GOLGA6A: variants seen among roughly 807,000 people sequenced by gnomAD.
GOLGA6A encodes the protein golgin subfamily A member 6A.
GOLGA6A carries 1 observed loss-of-function variant against 53.6 expected under a neutral mutation model. The observed-to-expected ratio is 0.02, with a 90% confidence interval of 0.01 to 0.09. GOLGA6A has a LOEUF of 0.09. Among genes scored for constraint, GOLGA6A ranks in the 10% least tolerant of loss-of-function variants. The pLI is 1.00. For synonymous variants in GOLGA6A, 6 were observed against 201.8 expected (o/e 0.03, Z 8.22); for missense variants, 23 against 509.4 (o/e 0.05, Z 9.19).
At chr15:74,073,285 A>G (rs1345449189) in intron 12 of GOLGA6A, among the ~76,000 whole-genome samples, 3 of 150,976 alleles carry the variant, frequency 2.0e-5, no homozygotes, top group Non-Finnish European at 4.4e-5. Context: ...CTAGAACCCC[A>G]TACCTCCTTC....
intron 7 of GOLGA6A, among the ~76,000 whole-genome samples, chr15:74,076,638 A>G (rs2071980952): frequency 6.7e-6 from 1 of 148,896 alleles, no homozygotes; most frequent in South Asian, 2.2e-4. Flanking sequence ...ACACACACAC[A>G]CACACACACA....
chr15:74,080,425 T>C (rs2071996131), intron 2 of GOLGA6A, among the ~76,000 whole-genome samples, 191 bp downstream of exon 2: 1 of 152,282 alleles, frequency 6.6e-6, no homozygotes, highest in Non-Finnish European at 1.5e-5. Context: ...CAAACAATAC[T>C]ACCCCTATTT....
At chr15:74,076,623 T>TACACACACACAC (rs368556511) in intron 7 of GOLGA6A, among the ~76,000 whole-genome samples, 480 of 140,364 alleles carry the variant, frequency 3.4e-3, no homozygotes, top group African/African-American at 4.2e-3. Context: ...ATTATCATAG[T>TACACACACACAC]ACACACACAC....
At chr15:74,071,890 C>T (rs1188915654) in intron 14 of GOLGA6A, among the ~76,000 whole-genome samples, 11 of 148,814 alleles carry the variant, frequency 7.4e-5, no homozygotes, top group African/African-American at 1.2e-4. Context: ...GCACAGCCTT[C>T]ACACCTTCCG....
At position 74,071,150 on chromosome 15, in the gene GOLGA6A, T is replaced by TC. The variant is rs2071934743; in HGVS notation, c.1927dup (p.Glu643GlyfsTer7). 2.2e-6 allele frequency: 3 copies of TC among 1,394,616 alleles called. No individual in the cohort carries two copies. Among genetic ancestry groups the TC allele is most frequent in the Non-Finnish European group, 2.9e-6 (3 of 1,025,168 alleles). The allele number at this position is 1,394,616 out of a possible 1,614,324, so 86.4% of individuals were successfully genotyped here. A position where few individuals can be genotyped will look rare whatever the true frequency, so the allele number is the denominator to read the frequency against. ...ATCCTGCTCACCGGCAGCCCCAAGTTCCTGGGGGGCTGGGGCCCCTGGAGT... is the reference window on the plus strand; with the variant it reads ...ATCCTGCTCACCGGCAGCCCCAAGTTCCCTGGGGGGCTGGGGCCCCTGGAGT... On this transcript the variant is annotated frameshift_variant, in exon 17 of 18. Coordinates refer to ENST00000290438, the MANE Select transcript of GOLGA6A (RefSeq NM_001038640.2). LOFTEE classifies it low-confidence loss of function (END_TRUNC).
In GOLGA6A at chr15:74,076,064, C is replaced by G. The variant is rs2071976711; in HGVS notation, c.565-79G>C. ...TAAAAGGGCTAGGCTCAATATACAA[C>G]TCGGTCAGTAAAGGTCAAGGCATTT... On this transcript the variant is annotated intron_variant, in intron 7 of 17. Transcript: ENST00000290438. The G allele has an allele frequency of 3.1e-6, 5 of 1,610,280 alleles. No individual in the cohort carries two copies. The Admixed American group carries it at 6.7e-5, about 22-fold the overall frequency.
At chr15:74,073,713 A>AT (rs1470768714) in intron 12 of GOLGA6A, among the ~76,000 whole-genome samples, 1 of 130,976 alleles carries the variant, frequency 7.6e-6, no homozygotes, top group Non-Finnish European at 1.6e-5. Context: ...ATGCGCCACC[A>AT]TGCCTGGCTA....
In GOLGA6A at chr15:74,077,933, T is replaced by TTG. The variant is rs1343507696; in HGVS notation, c.286-181_286-180insCA. On this transcript the variant is annotated intron_variant, in intron 3 of 17. Transcript: ENST00000290438. ...AAGGACAGAGGACTTGGGTCTTTGT[T>TTG]GGTTTTTGCCCACAGCCACAGAACT... is the stretch of plus-strand genomic sequence containing the variant. Among the ~76,000 whole-genome samples, 7 of 103,422 alleles carry TTG rather than the reference T, an allele frequency of 6.8e-5. No homozygotes were observed. In the East Asian group the frequency reaches 2.1e-3, roughly 32 times the overall value. The allele number at this position is 103,422 out of a possible 152,430, so 67.8% of individuals were successfully genotyped here. A position where few individuals can be genotyped will look rare whatever the true frequency, so the allele number is the denominator to read the frequency against.
In GOLGA6A at chr15:74,070,954, C is replaced by G; in HGVS notation, c.2038G>C (p.Val680Leu). 1 of 1,613,796 alleles carries G rather than the reference C, an allele frequency of 6.2e-7. No homozygotes were observed. The change falls in exon 18 of 18, where the codon GTA (valine) becomes CTA (leucine). Residue 680 changes from valine to leucine, a missense_variant. Val to Leu is a conservative substitution (Grantham distance 32, BLOSUM62 1). Coordinates refer to ENST00000290438, the MANE Select transcript of GOLGA6A (RefSeq NM_001038640.2). ...GGAGACAGCTGCACGATCTGCTGTA[C>G]AGTGGGGTTGTCATGGGGAGAACCC... is the stretch of plus-strand genomic sequence containing the variant. ...REGSPHDNPT[V>L]QQIVQLSPVM...
At chr15:74,072,862 G>C (rs775520643) in intron 12 of GOLGA6A, 45 bp from the exon 13 acceptor site, 1 of 1,609,774 alleles carries the variant, frequency 6.2e-7, no homozygotes, top group Admixed American at 1.7e-5. Context: ...AGGTTGCCAG[G>C]TCATCCCCCT....
chr15:74,072,036 C>A (rs2071944980), intron 14 of GOLGA6A, among the ~76,000 whole-genome samples, 182 bp downstream of exon 14: 1 of 152,358 alleles, frequency 6.6e-6, no homozygotes, highest in Admixed American at 6.5e-5. Flanking sequence ...GAGAACAACC[C>A]CTTCCCTTGG....
intron 14 of GOLGA6A, among the ~76,000 whole-genome samples, chr15:74,071,909 A>G (rs1419948232): frequency 6.6e-6 from 1 of 152,308 alleles, no homozygotes; most frequent in African/African-American, 2.4e-5. Context: ...CGCTGCCCAC[A>G]TAGCCGTGCC....
chr15:74,076,661 C>CACACA (rs59721284), intron 7 of GOLGA6A, among the ~76,000 whole-genome samples: 7 of 143,510 alleles, frequency 4.9e-5, no homozygotes, highest in Admixed American at 1.4e-4. Context: ...CACACACACA[C>CACACA]CCCTTTCCTC....
At chr15:74,078,405 AAGAG>A (rs1567149832) in intron 3 of GOLGA6A, among the ~76,000 whole-genome samples, 200 bp downstream of exon 3, 1 of 54,578 alleles carries the variant, frequency 1.8e-5, no homozygotes, top group Non-Finnish European at 3.2e-5. Context: ...GTGTCTGGAG[AAGAG>A]AGAGTCGGCA....
At position 74,074,564 on chromosome 15, in the gene GOLGA6A, TCTC is replaced by T; in HGVS notation, c.1282_1284del (p.Glu428del). The T allele has an allele frequency of 8.4e-6, 3 of 359,238 alleles. No homozygotes were observed. Among genetic ancestry groups the T allele is most frequent in the Non-Finnish European group, 9.2e-6 (2 of 216,814 alleles). The allele number at this position is 359,238 out of a possible 1,614,324, so 22.3% of individuals were successfully genotyped here. ...TTGTGGTTCTGGGAGAGCGCGAGCCTCTCCTCCTGCTTTTGTAGCCTCTCCTCC... is the reference window on the plus strand; with the variant it reads ...TTGTGGTTCTGGGAGAGCGCGAGCCTCTCCTGCTTTTGTAGCCTCTCCTCC... On this transcript the variant is annotated inframe_deletion, in exon 11 of 18. Coordinates refer to ENST00000290438, the MANE Select transcript of GOLGA6A (RefSeq NM_001038640.2).
At position 74,075,913 on chromosome 15, in the gene GOLGA6A, C is replaced by A; in HGVS notation, c.637G>T (p.Ala213Ser). 6.3e-7 allele frequency: 1 copy of A among 1,595,194 alleles called. No homozygotes were observed. The highest frequency in any genetic ancestry group is 2.3e-5 in the East Asian group (1 of 43,688). ...CAAAGCCTCACCTGTGTCACGTGTGCGTTCAGCAGCGCCCGCTCCTTTATG... is the reference window on the plus strand; with the variant it reads ...CAAAGCCTCACCTGTGTCACGTGTGAGTTCAGCAGCGCCCGCTCCTTTATG... ...QTIKERALLN[A>S]HVTQVTESLK... The change falls in exon 8 of 18, where the codon GCA becomes TCA. Residue 213 changes from alanine to serine, a missense_variant. Coordinates refer to ENST00000290438, the MANE Select transcript of GOLGA6A (RefSeq NM_001038640.2).
At chr15:74,072,699 C>T (rs1256190831) in intron 13 of GOLGA6A, 43 bp downstream of exon 13, 1 of 1,608,910 alleles carries the variant, frequency 6.2e-7, no homozygotes, top group African/African-American at 1.4e-5. Context: ...GTCCCCCCTT[C>T]CTCCTGGGGC....
chr15:74,075,977 G>C lies in GOLGA6A; in HGVS notation c.573C>G (p.Ser191Arg). 1 of 1,600,854 alleles carries C rather than the reference G, an allele frequency of 6.2e-7. No individual in the cohort carries two copies. ...TQQQEEDRSS[S>R]CREAVLQRWL... ...ACCGCTGGAGGACCGCTTCTCTGCAGCTCGAGGACTGGATGGTGAAGAGTG... is the reference window on the plus strand; with the variant it reads ...ACCGCTGGAGGACCGCTTCTCTGCACCTCGAGGACTGGATGGTGAAGAGTG... Residue 191 changes from serine (S) to arginine (R), a missense_variant, in exon 8 of 18, where the codon AGC becomes AGG. Ser to Arg is a moderately radical substitution (Grantham distance 110). Coordinates refer to ENST00000290438, the MANE Select transcript of GOLGA6A (RefSeq NM_001038640.2).
At chr15:74,076,484 G>A (rs2071979596) in intron 7 of GOLGA6A, among the ~76,000 whole-genome samples, 1 of 105,296 alleles carries the variant, frequency 9.5e-6, no homozygotes, top group African/African-American at 3.8e-5. Flanking sequence ...TTAATCTTTT[G>A]TTCACTTTTT....
Sources: allele counts gnomAD v4.1 joint callset (sites outside exome capture counted in the v4.1 genomes callset), GRCh38; gene constraint gnomAD v4.1.1; transcripts MANE v1.5; gene names NCBI Gene and HGNC (gene_info 2026-07-23, HGNC 2026-07-21).